GPATCH2L: variants seen among roughly 807,000 people sequenced by gnomAD.
GPATCH2L encodes the protein G-patch domain containing 2 like.
In GPATCH2L, 31 loss-of-function variants were observed where a neutral mutation model predicts 57.4. That is an observed-to-expected ratio of 0.54 (90% CI 0.41 to 0.73). The LOEUF is 0.73. Ranked by LOEUF, GPATCH2L falls within the 30% of genes least tolerant of loss-of-function variation. The pLI is 0.00. For synonymous variants in GPATCH2L, 199 were observed against 210.7 expected, an observed-to-expected ratio of 0.94 and a Z score of 0.48; for missense variants, 481 against 599.9, an observed-to-expected ratio of 0.80 and a Z score of 2.07.
intron 1 of GPATCH2L, among the ~76,000 whole-genome samples, chr14:76,227,120 A>G (rs1277068023): frequency 6.6e-6 from 1 of 152,120 alleles, no homozygotes; most frequent in Non-Finnish European, 1.5e-5. Flanking sequence ...GCCCTCCTGC[A>G]ATTTGGGGAT....
At chr14:76,219,050 G>C (rs1332148863), downstream of GPATCH2L, among the ~76,000 whole-genome samples, 2 of 149,738 alleles carry the variant, frequency 1.3e-5, no homozygotes, top group East Asian at 3.9e-4. Flanking sequence ...CCTAAGACTG[G>C]GGAAGGCCTT....
At position 76,213,158 on chromosome 14, in the gene GPATCH2L, T is replaced by C. The variant is rs527773579; in HGVS notation, c.*11307T>C. The C allele has an allele frequency of 1.3e-5, 2 of 152,280 alleles. No individual in the cohort carries two copies. Among genetic ancestry groups the C allele is most frequent in the Admixed American group, 1.3e-4 (2 of 15,292 alleles). The allele number at this position is 152,280 out of a possible 1,614,324, so 9.4% of individuals were successfully genotyped here. A position where few individuals can be genotyped will look rare whatever the true frequency, so the allele number is the denominator to read the frequency against. On this transcript the variant is annotated 3_prime_UTR_variant, in exon 10 of 10. Coordinates refer to ENST00000261530, the MANE Select transcript of GPATCH2L (RefSeq NM_017926.4). ...GGAAACAAAGCTAATTTTTAAAATA[T>C]GTAGTAAAATATGTAACATTTTAGC... is the stretch of plus-strand genomic sequence containing the variant.
chr14:76,168,974 G>A (rs1438193194), intron 3 of GPATCH2L, among the ~76,000 whole-genome samples: 1 of 152,196 alleles, frequency 6.6e-6, no homozygotes, highest in Non-Finnish European at 1.5e-5. Flanking sequence ...AGTTCTTTGG[G>A]TTCTGATAAC....
intron 1 of GPATCH2L, among the ~76,000 whole-genome samples, chr14:76,228,150 G>A (rs75880481): frequency 0.034 from 5,213 of 152,238 alleles, 144 homozygotes; most frequent in Non-Finnish European, 0.05. Flanking sequence ...ATAGCTTTAG[G>A]TATCTGGATA....
chr14:76,160,484 T>C (rs2038531595), intron 2 of GPATCH2L, among the ~76,000 whole-genome samples: 1 of 152,294 alleles, frequency 6.6e-6, no homozygotes, highest in East Asian at 1.9e-4. Context: ...TCTGTGAGTA[T>C]GTAAATATTC....
intron 2 of GPATCH2L, among the ~76,000 whole-genome samples, chr14:76,160,213 A>G (rs756727267): frequency 2.0e-5 from 3 of 152,184 alleles, no homozygotes; most frequent in Non-Finnish European, 4.4e-5. Flanking sequence ...CCCTGCCTCA[A>G]CCTGTAGCTG....
intron 5 of GPATCH2L, chr14:76,173,927 G>A (rs957395950): frequency 3.8e-5 from 15 of 392,004 alleles, no homozygotes; most frequent in Non-Finnish European, 5.9e-5. Flanking sequence ...TTAATGTTAT[G>A]TTATTATTGT....
intron 8 of GPATCH2L, among the ~76,000 whole-genome samples, chr14:76,182,189 C>T (rs1392205033): frequency 1.3e-5 from 2 of 151,818 alleles, no homozygotes; most frequent in Non-Finnish European, 2.9e-5. Context: ...AAACCTGTCT[C>T]TACTAAAAAT....
At chr14:76,215,388 C>T (rs1301240437), downstream of GPATCH2L, among the ~76,000 whole-genome samples, 2 of 151,962 alleles carry the variant, frequency 1.3e-5, no homozygotes, top group Non-Finnish European at 2.9e-5. Context: ...ACTAGAAATA[C>T]CATTTGACCC....
rs998995208 is a variant in GPATCH2L, at chr14:76,206,584, G to A, written c.*4733G>A. The A allele has an allele frequency of 6.6e-6, 1 of 152,372 alleles. No homozygotes were observed. Among genetic ancestry groups the A allele is most frequent in the African/African-American group, 2.4e-5 (1 of 41,470 alleles). The allele number at this position is 152,372 out of a possible 1,614,324, so 9.4% of individuals were successfully genotyped here. A position where few individuals can be genotyped will look rare whatever the true frequency, so the allele number is the denominator to read the frequency against. On this transcript the variant is annotated 3_prime_UTR_variant, in exon 10 of 10. Coordinates refer to ENST00000261530, the MANE Select transcript of GPATCH2L (RefSeq NM_017926.4). The stretch of plus-strand genomic sequence containing the variant: ...TCAGCAAAGAAGCAATCTTGGCAAG[G>A]TGGAGAAGTGGGAAGCAATGGGGAG...
Position 76,166,738 on chromosome 14 carries a change from TC to T in GPATCH2L, c.727+14del. The T allele has an allele frequency of 6.3e-7, 1 of 1,580,602 alleles. No individual in the cohort carries two copies. Among genetic ancestry groups the T allele is most frequent in the Non-Finnish European group, 8.7e-7 (1 of 1,149,710 alleles). ...ATGAAGGGCGACAAGGTAATGTCGA[TC>T]CCAGCTTTGGGACCTTGGTTCCGTG... On this transcript the variant is annotated intron_variant, in intron 3 of 9. Transcript: ENST00000261530.
intron 6 of GPATCH2L, among the ~76,000 whole-genome samples, chr14:76,176,950 A>G (rs2039355013): frequency 6.6e-6 from 1 of 151,266 alleles, no homozygotes; most frequent in Non-Finnish European, 1.5e-5. Context: ...TGTTTATTTT[A>G]AACTAATTTT....
chr14:76,223,382 T>C (rs892965216), intron 1 of GPATCH2L, among the ~76,000 whole-genome samples: 8 of 152,168 alleles, frequency 5.3e-5, no homozygotes, highest in African/African-American at 1.9e-4. Context: ...GATATCCACA[T>C]GCGAAATAAT....
intron 3 of GPATCH2L, among the ~76,000 whole-genome samples, chr14:76,169,450 A>C (rs1433446228): frequency 6.6e-6 from 1 of 152,214 alleles, no homozygotes; most frequent in Admixed American, 6.5e-5. Flanking sequence ...ATTGTAAAAC[A>C]ACTAAGCCTA....
downstream of GPATCH2L, among the ~76,000 whole-genome samples, chr14:76,219,005 C>CAAAAAAA (rs572896740): frequency 6.8e-5 from 5 of 73,776 alleles, no homozygotes; most frequent in Non-Finnish European, 1.5e-4. Flanking sequence ...TCTAAAAGTA[C>CAAAAAAA]AAAAAAAAAA....
chr14:76,163,841 A>G (rs576913635), intron 2 of GPATCH2L, among the ~76,000 whole-genome samples: 7 of 152,332 alleles, frequency 4.6e-5, no homozygotes, highest in African/African-American at 1.4e-4. Context: ...AGTTCATTCT[A>G]TTTACGTAAC....
At chr14:76,226,033 T>C (rs2040535173) in intron 1 of GPATCH2L, among the ~76,000 whole-genome samples, 1 of 152,174 alleles carries the variant, frequency 6.6e-6, no homozygotes, top group African/African-American at 2.4e-5. Context: ...TACAACCACT[T>C]TAGAAAGTTA....
At chr14:76,165,587 TAAA>T (rs547416822) in intron 2 of GPATCH2L, among the ~76,000 whole-genome samples, 231 of 145,600 alleles carry the variant, frequency 1.6e-3, no homozygotes, top group Middle Eastern at 3.6e-3. Flanking sequence ...TCCCAGAACT[TAAA>T]AAAAAAAAAG....
chr14:76,169,818 T>C (rs940004403), intron 3 of GPATCH2L, among the ~76,000 whole-genome samples: 2 of 152,256 alleles, frequency 1.3e-5, no homozygotes, highest in African/African-American at 4.8e-5. Flanking sequence ...AAACTAGTTA[T>C]TATACACTAA....
Sources: allele counts gnomAD v4.1 joint callset (sites outside exome capture counted in the v4.1 genomes callset), GRCh38; gene constraint gnomAD v4.1.1; transcripts MANE v1.5; gene names NCBI Gene and HGNC (gene_info 2026-07-23, HGNC 2026-07-21).